The following ACTR3C variants were observed in gnomAD, a reference collection of about 807,000 sequenced individuals.
ACTR3C encodes the protein actin related protein 3C.
A neutral mutation model predicts 26.3 loss-of-function variants in ACTR3C; 18 were observed. The observed-to-expected ratio is 0.68, with a 90% CI of 0.47 to 1.01. The LOEUF is 1.01. ACTR3C is among the 50% of genes least tolerant of loss of function. The probability of loss-of-function intolerance (pLI) is 0.00; values close to 1 mark genes in which losing one functional copy is unlikely to be tolerated. For synonymous variants in ACTR3C, 55 were observed against 94.5 expected (o/e 0.58, Z 2.42); for missense variants, 184 against 250.7 (o/e 0.73, Z 1.80).
At chr7:150,123,480 G>A in the ACTR3C span, among the ~76,000 whole-genome samples, 2 of 152,104 alleles carry the variant, frequency 1.3e-5, no homozygotes, top group Non-Finnish European at 2.9e-5. Flanking sequence ...TTGCTGCTAG[G>A]TAGCAACTTC....
At chr7:150,129,316 T>G in the ACTR3C span, among the ~76,000 whole-genome samples, 3 of 152,186 alleles carry the variant, frequency 2.0e-5, no homozygotes, top group Admixed American at 6.5e-5. Flanking sequence ...CTTTTCCCCT[T>G]AGATCTAGAA....
At chr7:150,063,305 G>A in the ACTR3C span, among the ~76,000 whole-genome samples, 1 of 151,410 alleles carries the variant, frequency 6.6e-6, no homozygotes, top group Non-Finnish European at 1.5e-5. Context: ...ACATGTGACT[G>A]CAGGCTGGAG....
At chr7:150,040,194 G>A in the ACTR3C span, among the ~76,000 whole-genome samples, 1 of 148,280 alleles carries the variant, frequency 6.7e-6, no homozygotes, top group South Asian at 2.1e-4. Context: ...TACTAGCAGG[G>A]CAGTTGCTGC....
chr7:150,089,706 C>T, the ACTR3C span, among the ~76,000 whole-genome samples: 1 of 152,220 alleles, frequency 6.6e-6, no homozygotes, highest in African/African-American at 2.4e-5. Context: ...ACTCAAGTTC[C>T]CATTTCTACT....
chr7:150,219,910 T>TTC, the ACTR3C span, among the ~76,000 whole-genome samples: 1 of 145,168 alleles, frequency 6.9e-6, no homozygotes, highest in African/African-American at 2.8e-5. Context: ...CGCCGACCTC[T>TTC]TCTCTCGAAA....
the ACTR3C span, among the ~76,000 whole-genome samples, chr7:150,059,694 T>C: frequency 1.3e-5 from 2 of 152,320 alleles, no homozygotes; most frequent in South Asian, 2.1e-4. Flanking sequence ...TATATTTAGG[T>C]TGTGTTGAAA....
At chr7:149,932,108 G>A in the ACTR3C span, among the ~76,000 whole-genome samples, 1 of 152,212 alleles carries the variant, frequency 6.6e-6, no homozygotes, top group Non-Finnish European at 1.5e-5. Context: ...CTGATGGATG[G>A]ATGAACAGTG....
chr7:149,985,616 C>T, the ACTR3C span, among the ~76,000 whole-genome samples: 512 of 152,360 alleles, frequency 3.4e-3, 14 homozygotes, highest in East Asian at 0.067. Flanking sequence ...CACGTGCTCT[C>T]TGATCACTGG....
chr7:150,050,832 C>A, the ACTR3C span, among the ~76,000 whole-genome samples: 1 of 151,470 alleles, frequency 6.6e-6, no homozygotes, highest in South Asian at 2.1e-4. Context: ...TCTGGCCGGG[C>A]GCGGTGGCTC....
chr7:150,319,757 C>T (rs574760134), intron 1 of ACTR3C, among the ~76,000 whole-genome samples: 12 of 152,312 alleles, frequency 7.9e-5, no homozygotes, highest in Non-Finnish European at 1.3e-4. Context: ...TCCCCTGACC[C>T]GAGACAGAGT....
At chr7:149,965,974 A>G in the ACTR3C span, among the ~76,000 whole-genome samples, 4 of 152,230 alleles carry the variant, frequency 2.6e-5, no homozygotes, top group Non-Finnish European at 5.9e-5. Flanking sequence ...GCCACTGACG[A>G]ACTGCCTGGT....
chr7:150,109,690 G>A, the ACTR3C span, among the ~76,000 whole-genome samples: 1 of 150,336 alleles, frequency 6.7e-6, no homozygotes, highest in African/African-American at 2.5e-5. Context: ...GGGTACCACT[G>A]CACATCCCAA....
At chr7:149,978,746 G>A in the ACTR3C span, among the ~76,000 whole-genome samples, 1 of 152,084 alleles carries the variant, frequency 6.6e-6, no homozygotes, top group African/African-American at 2.4e-5. Flanking sequence ...CAGCTTTTGT[G>A]TTTTCTTCCT....
At chr7:150,135,584 A>T in the ACTR3C span, among the ~76,000 whole-genome samples, 5 of 152,220 alleles carry the variant, frequency 3.3e-5, no homozygotes, top group Non-Finnish European at 7.3e-5. Flanking sequence ...TAATAAAAGC[A>T]TTAACAAGCA....
the ACTR3C span, among the ~76,000 whole-genome samples, chr7:149,889,389 C>T: frequency 1.3e-5 from 2 of 152,130 alleles, no homozygotes; most frequent in South Asian, 2.1e-4. Flanking sequence ...CGCTGTGGTA[C>T]ATATTTATGA....
the ACTR3C span, among the ~76,000 whole-genome samples, chr7:150,035,300 C>A: frequency 1.7e-3 from 87 of 50,056 alleles, 19 homozygotes; most frequent in African/African-American, 5.0e-3. Context: ...GCCTCCCCCC[C>A]CTTGCGATGG....
intron 2 of ACTR3C, among the ~76,000 whole-genome samples, chr7:150,294,527 G>C (rs1034529906): frequency 1.3e-4 from 20 of 152,192 alleles, no homozygotes. Context: ...AATGAATTTG[G>C]AAGTGCTAGA....
the ACTR3C span, among the ~76,000 whole-genome samples, chr7:150,046,092 AT>A: frequency 6.6e-6 from 1 of 152,172 alleles, no homozygotes; most frequent in Non-Finnish European, 1.5e-5. Flanking sequence ...TTGAATGACT[AT>A]TGAACCAGGG....
chr7:150,020,216 T>C, the ACTR3C span, among the ~76,000 whole-genome samples: 155 of 152,286 alleles, frequency 1.0e-3, 2 homozygotes, highest in Middle Eastern at 3.4e-3. Context: ...ATAAAGTTTA[T>C]CAAAAGCATT....
Sources: allele counts gnomAD v4.1 joint callset (sites outside exome capture counted in the v4.1 genomes callset), GRCh38; gene constraint gnomAD v4.1.1; transcripts MANE v1.5; gene names NCBI Gene and HGNC (gene_info 2026-07-23, HGNC 2026-07-21).